The following TRPM3 variants were observed in gnomAD, a reference collection of about 807,000 sequenced individuals.
TRPM3 encodes the protein transient receptor potential cation channel subfamily M member 3, also known as long transient receptor potential channel 3.
Under a neutral mutation model 181.2 loss-of-function variants are expected in TRPM3, and 77 were observed. That is an observed-to-expected ratio of 0.42 (90% confidence interval 0.35 to 0.51). The LOEUF is 0.51. Ranked by LOEUF, TRPM3 falls within the 20% of genes least tolerant of loss-of-function variation. The pLI is 0.01. For synonymous variants in TRPM3, 745 were observed against 796.4 expected, an observed-to-expected ratio of 0.94 and a Z score of 1.09; for missense variants, 1,759 against 2,196.7, an observed-to-expected ratio of 0.80 and a Z score of 3.98.
chr9:70,677,071 C>T (rs909717461), intron 9 of TRPM3, among the ~76,000 whole-genome samples: 5 of 151,764 alleles, frequency 3.3e-5, no homozygotes, highest in Non-Finnish European at 5.9e-5. Flanking sequence ...GGACTTGACT[C>T]CAGAGGCAGG....
Position 70,535,830 on chromosome 9 carries a change from G to A in TRPM3, c.*123C>T. 1 of 1,505,636 alleles carries A rather than the reference G, an allele frequency of 6.6e-7. No individual in the cohort carries two copies. The highest frequency in any genetic ancestry group is 8.8e-7 in the Non-Finnish European group (1 of 1,134,342). The allele number at this position is 1,505,636 out of a possible 1,614,324, so 93.3% of individuals were successfully genotyped here. On this transcript the variant is annotated 3_prime_UTR_variant, in exon 26 of 26. Transcript: ENST00000677713. The stretch of plus-strand genomic sequence containing the variant: ...CACCTTTGAGTTAACACCTCCCAAA[G>A]CATTGCTTGTTTTGCTCAGCTAAGA...
chr9:71,104,205 C>T (rs985436213), intron 1 of TRPM3, among the ~76,000 whole-genome samples: 1 of 152,146 alleles, frequency 6.6e-6, no homozygotes, highest in East Asian at 1.9e-4. Context: ...TGTGAATCAC[C>T]ATGCCCACCC....
At chr9:71,200,012 T>C (rs954513331) in intron 1 of TRPM3, among the ~76,000 whole-genome samples, 3 of 152,246 alleles carry the variant, frequency 2.0e-5, no homozygotes, top group African/African-American at 7.2e-5. Flanking sequence ...GCACATTTAG[T>C]GCTATAAATT....
At chr9:71,127,675 T>C (rs1412461480) in intron 1 of TRPM3, among the ~76,000 whole-genome samples, 1 of 152,204 alleles carries the variant, frequency 6.6e-6, no homozygotes, top group Non-Finnish European at 1.5e-5. Flanking sequence ...TTAAATTCAA[T>C]TACTTTTATT....
chr9:71,398,008 A>C (rs923313413), intron 1 of TRPM3, among the ~76,000 whole-genome samples: 3 of 152,226 alleles, frequency 2.0e-5, no homozygotes, highest in African/African-American at 7.2e-5. Context: ...TATCCAGTTT[A>C]GACCGTGCCA....
chr9:71,174,124 A>G (rs1282275588), intron 1 of TRPM3, among the ~76,000 whole-genome samples: 2 of 152,230 alleles, frequency 1.3e-5, no homozygotes, highest in Non-Finnish European at 2.9e-5. Context: ...AAAGTTAGAA[A>G]TAAAAAATCA....
chr9:70,789,284 G>A (rs1266435665), intron 6 of TRPM3, among the ~76,000 whole-genome samples: 2 of 152,088 alleles, frequency 1.3e-5, no homozygotes, highest in Non-Finnish European at 2.9e-5. Flanking sequence ...AGCTGGGCTG[G>A]ATTCATAGGG....
intron 1 of TRPM3, among the ~76,000 whole-genome samples, chr9:70,963,510 AG>A (rs1415514355): frequency 6.6e-6 from 1 of 152,054 alleles, no homozygotes; most frequent in Non-Finnish European, 1.5e-5. Flanking sequence ...GGAGATTTTG[AG>A]GGGCTGGCAA....
At chr9:70,893,682 T>C (rs938195294) in intron 1 of TRPM3, among the ~76,000 whole-genome samples, 6 of 152,104 alleles carry the variant, frequency 3.9e-5, no homozygotes, top group Non-Finnish European at 7.3e-5. Context: ...CACATTACTG[T>C]GGAAGCAAAG....
At chr9:71,181,674 A>T (rs1293735326) in intron 1 of TRPM3, among the ~76,000 whole-genome samples, 1 of 152,232 alleles carries the variant, frequency 6.6e-6, no homozygotes, top group Admixed American at 6.5e-5. Flanking sequence ...GAAACAAAAA[A>T]GTGATGTCAA....
intron 1 of TRPM3, among the ~76,000 whole-genome samples, chr9:71,038,465 TC>T (rs2058459359): frequency 6.6e-6 from 1 of 152,182 alleles, no homozygotes; most frequent in Non-Finnish European, 1.5e-5. Flanking sequence ...TTTTGTTTCT[TC>T]CCTCTCTTCC....
At chr9:71,103,860 T>C (rs1014457414) in intron 1 of TRPM3, among the ~76,000 whole-genome samples, 1 of 152,128 alleles carries the variant, frequency 6.6e-6, no homozygotes. Context: ...GTGGACACTT[T>C]TCATCAAAAC....
chr9:70,903,820 A>T (rs1000757383), intron 1 of TRPM3, among the ~76,000 whole-genome samples: 1 of 152,196 alleles, frequency 6.6e-6, no homozygotes, highest in African/African-American at 2.4e-5. Flanking sequence ...GAATGAGTTT[A>T]TGTAAATGTT....
chr9:70,752,039 TGTGTGTGTGTGCGCGC>T (rs1386612608), intron 8 of TRPM3, among the ~76,000 whole-genome samples: 3 of 116,890 alleles, frequency 2.6e-5, no homozygotes, highest in South Asian at 3.8e-4. Flanking sequence ...TGTGTGTGTG[TGTGTGTGTGTGCGCGC>T]GCGCGCGCAT....
chr9:71,093,048 C>G (rs1337876085), intron 1 of TRPM3, among the ~76,000 whole-genome samples: 1 of 152,138 alleles, frequency 6.6e-6, no homozygotes, highest in Admixed American at 6.5e-5. Flanking sequence ...AAAACAGAAA[C>G]TGGACCCCTT....
chr9:70,898,056 C>T (rs1043347241), intron 1 of TRPM3, among the ~76,000 whole-genome samples: 1 of 151,996 alleles, frequency 6.6e-6, no homozygotes, highest in African/African-American at 2.4e-5. Context: ...CTCATTAGGA[C>T]GGTCTTTATG....
chr9:71,234,937 C>A (rs1185482016), intron 1 of TRPM3, among the ~76,000 whole-genome samples: 3 of 152,190 alleles, frequency 2.0e-5, no homozygotes, highest in Admixed American at 2.0e-4. Context: ...ATAACCATTT[C>A]TTATCTATCC....
In TRPM3 at chr9:70,689,453, C is replaced by T. The variant is rs559419665; in HGVS notation, c.1273-7875G>A. Among the ~76,000 whole-genome samples the T allele has an allele frequency of 2.6e-5, 4 of 151,454 alleles. No individual in the cohort carries two copies. In the East Asian group the frequency reaches 7.8e-4, roughly 30 times the overall value. On this transcript the variant is annotated intron_variant, in intron 8 of 25. Coordinates refer to ENST00000677713, the MANE Select transcript of TRPM3 (RefSeq NM_001366145.2). The stretch of plus-strand genomic sequence containing the variant: ...CTATCGATGAATACTGAAAAGTAGA[C>T]TGTGAAAAGTTAGTGTTATGCTGTA...
chr9:70,625,484 T>G lies in TRPM3; in HGVS notation c.1666A>C (p.Lys556Gln). ...EYPGFGWIYF[K>Q]GNLPPDYRIS... ...ATTATGCTGGTTAATTAATTCACCT[T>G]AAAATAGATCCAACCGAAACCTGGA... The change falls in exon 13 of 26, where the codon AAG becomes CAG. Residue 556 changes from lysine (K) to glutamine (Q), a missense_variant and splice_region_variant. By Grantham distance (53) the Lys-to-Gln change is moderately conservative (BLOSUM62 1). Coordinates refer to ENST00000677713, the MANE Select transcript of TRPM3 (RefSeq NM_001366145.2). This position sits in a 1 kb window ranked among gnomAD's most constrained non-coding sequence, Gnocchi z 4.8. 1 of 1,611,614 alleles carries G rather than the reference T, an allele frequency of 6.2e-7. No individual in the cohort carries two copies. The highest frequency in any genetic ancestry group is 8.5e-7 in the Non-Finnish European group (1 of 1,179,250).
Sources: gnomAD v4.1 joint callset for allele counts (sites outside exome capture counted in the v4.1 genomes callset) on GRCh38, gnomAD v4.1.1 for gene constraint, Gnocchi (gnomAD v3.1) non-coding constraint, MANE v1.5 for transcripts, NCBI Gene and HGNC (gene_info 2026-07-23, HGNC 2026-07-21) for gene names.